The following RAP1A variants were observed in gnomAD, a reference collection of about 807,000 sequenced individuals.
The protein encoded by RAP1A is RAP1A, member of RAS oncogene family.
Under a neutral mutation model 26.4 loss-of-function variants are expected in RAP1A, and 6 were observed. The observed-to-expected ratio is 0.23, with a 90% CI of 0.12 to 0.45. RAP1A has a LOEUF of 0.45. Among genes scored for constraint, RAP1A ranks in the 20% least tolerant of loss-of-function variants. The pLI, the probability that RAP1A is intolerant of heterozygous loss-of-function variation, is 0.99. For missense variants in RAP1A, 121 were observed against 217.2 expected, an observed-to-expected ratio of 0.56 and a Z score of 2.78; for synonymous variants, 73 against 79.4, an observed-to-expected ratio of 0.92 and a Z score of 0.43.
intron 1 of RAP1A, chr1:111,650,521 G>A (rs948115448): frequency 2.0e-5 from 3 of 152,106 alleles, no homozygotes; most frequent in African/African-American, 7.2e-5. Flanking sequence ...CAGTATATGT[G>A]CTGCCAAAGC....
At chr1:111,620,827 G>A (rs1415833018) in intron 1 of RAP1A, among the ~76,000 whole-genome samples, 1 of 152,164 alleles carries the variant, frequency 6.6e-6, no homozygotes, top group Non-Finnish European at 1.5e-5. Context: ...GTTAAGGACG[G>A]TGTCTTCAGC....
At chr1:111,572,941 T>A (rs775812496) in intron 1 of RAP1A, among the ~76,000 whole-genome samples, 1 of 152,158 alleles carries the variant, frequency 6.6e-6, no homozygotes, top group African/African-American at 2.4e-5. Flanking sequence ...ATCGTTCCCC[T>A]CTTTGTGTCC....
chr1:111,669,887 CAGA>C (rs1047646515), intron 1 of RAP1A, among the ~76,000 whole-genome samples: 7 of 152,016 alleles, frequency 4.6e-5, no homozygotes, highest in African/African-American at 1.7e-4. Flanking sequence ...CAAAAATAAC[CAGA>C]AGGACAACAC....
intron 1 of RAP1A, among the ~76,000 whole-genome samples, chr1:111,635,484 T>C (rs1012518831): frequency 2.0e-5 from 3 of 152,224 alleles, no homozygotes; most frequent in Non-Finnish European, 4.4e-5. Context: ...TAAATAAGCA[T>C]GCCTGAGGTA....
intron 1 of RAP1A, among the ~76,000 whole-genome samples, chr1:111,544,312 T>C (rs1448079812): frequency 1.3e-5 from 2 of 152,202 alleles, no homozygotes; most frequent in South Asian, 4.1e-4. Context: ...TTCACAATGT[T>C]GTACAACCAT....
intron 1 of RAP1A, among the ~76,000 whole-genome samples, chr1:111,627,937 CA>C (rs148865042): frequency 0.054 from 7,940 of 147,996 alleles, 212 homozygotes; most frequent in East Asian, 0.066. Flanking sequence ...TTTGAAAAAA[CA>C]AAAAAAAAAT....
intron 1 of RAP1A, among the ~76,000 whole-genome samples, chr1:111,656,053 G>C (rs537767470): frequency 2.6e-4 from 40 of 152,020 alleles, no homozygotes; most frequent in Non-Finnish European, 4.1e-4. Flanking sequence ...ATGACAACTG[G>C]ATAAAAGTGT....
rs41306209 is a variant in RAP1A at position 111,691,176 on chromosome 1, G to A, written c.-27-158G>A. Reference sequence around the variant, plus strand: ...TCTGAAAGTAATCCTATAAACTTATGTTAAAATCTGTATGGATTTTGCCAT... The same window carrying A: ...TCTGAAAGTAATCCTATAAACTTATATTAAAATCTGTATGGATTTTGCCAT... On this transcript the variant is annotated intron_variant, in intron 1 of 7. Coordinates refer to ENST00000369709, the MANE Select transcript of RAP1A (RefSeq NM_002884.4). 0.039 allele frequency among the ~76,000 whole-genome samples: 5,901 copies of A among 152,238 alleles called. 156 individuals carry two copies. The highest frequency in any genetic ancestry group is 0.059 in the Non-Finnish European group (4,011 of 67,998).
At chr1:111,705,770 A>G (rs1662169229) in intron 6 of RAP1A, among the ~76,000 whole-genome samples, 1 of 152,214 alleles carries the variant, frequency 6.6e-6, no homozygotes, top group African/African-American at 2.4e-5. Flanking sequence ...TTTGATAAAG[A>G]ATTTGTTAGA....
chr1:111,605,477 CAGGTG>C (rs1211915414), intron 1 of RAP1A, among the ~76,000 whole-genome samples: 2 of 152,180 alleles, frequency 1.3e-5, no homozygotes, highest in Non-Finnish European at 2.9e-5. Flanking sequence ...TAAGTACAAC[CAGGTG>C]ATGGACAATG....
At chr1:111,628,263 A>G (rs1247126892) in intron 1 of RAP1A, among the ~76,000 whole-genome samples, 1 of 152,192 alleles carries the variant, frequency 6.6e-6, no homozygotes, top group Non-Finnish European at 1.5e-5. Context: ...TTCTGTTTAC[A>G]TGAATAAATA....
At position 111,564,254 on chromosome 1, in the gene RAP1A, T is replaced by C. The variant is rs540582319; in HGVS notation, c.-28+21745T>C. ...TGGAACTCTACTTCTGAGTACCTTA[T>C]TGCCTTTTCCCATTCCCTAACCTTC... is the stretch of plus-strand genomic sequence containing the variant. On this transcript the variant is annotated intron_variant, in intron 1 of 7. Transcript: ENST00000356415. 1.0e-3 allele frequency among the ~76,000 whole-genome samples: 159 copies of C among 152,322 alleles called. 1 individual carries two copies. Among genetic ancestry groups the C allele is most frequent in the African/African-American group, 3.7e-3 (153 of 41,590 alleles).
intron 1 of RAP1A, chr1:111,649,015 T>G (rs554417120): frequency 1.6e-6 from 1 of 620,040 alleles, no homozygotes; most frequent in East Asian, 3.7e-5. Flanking sequence ...ATGTCATCAT[T>G]GACCTTGTGG....
intron 1 of RAP1A, among the ~76,000 whole-genome samples, chr1:111,594,472 A>T (rs533154872): frequency 1.4e-3 from 178 of 128,564 alleles, no homozygotes; most frequent in African/African-American, 5.1e-3. Context: ...AGAGATAGAC[A>T]AAAAACGGAA....
intron 1 of RAP1A, among the ~76,000 whole-genome samples, chr1:111,626,370 TACAC>T (rs3084315): frequency 0.38 from 57,279 of 149,238 alleles, 11,729 homozygotes; most frequent in African/African-American, 0.57. Flanking sequence ...TATGTATACA[TACAC>T]ACACACACAC....
intron 1 of RAP1A, among the ~76,000 whole-genome samples, chr1:111,646,883 C>G (rs2101127950): frequency 6.6e-6 from 1 of 152,266 alleles, no homozygotes; most frequent in African/African-American, 2.4e-5. Context: ...TTTATTTTTT[C>G]CTAATGCTTG....
At chr1:111,598,438 C>T (rs1658598405) in intron 1 of RAP1A, among the ~76,000 whole-genome samples, 1 of 152,072 alleles carries the variant, frequency 6.6e-6, no homozygotes, top group Non-Finnish European at 1.5e-5. Context: ...AAGCATTACA[C>T]TATCCTGCCT....
intron 1 of RAP1A, 33 bp downstream of exon 1, chr1:111,619,967 C>G: frequency 2.5e-6 from 1 of 396,842 alleles, no homozygotes; most frequent in Non-Finnish European, 4.4e-6. Context: ...CAGACGGCCC[C>G]AGAGGGAGCG....
At chr1:111,669,481 T>G (rs1280494175) in intron 1 of RAP1A, among the ~76,000 whole-genome samples, 2 of 152,240 alleles carry the variant, frequency 1.3e-5, no homozygotes, top group African/African-American at 4.8e-5. Context: ...CAATGAGATA[T>G]TTTTGCCTGT....
Sources: gnomAD v4.1 joint callset for allele counts (sites outside exome capture counted in the v4.1 genomes callset) on GRCh38, gnomAD v4.1.1 for gene constraint, MANE v1.5 for transcripts, NCBI Gene and HGNC (gene_info 2026-07-23, HGNC 2026-07-21) for gene names.